C19orf44: variants seen among roughly 807,000 people sequenced by gnomAD.
C19orf44 encodes uncharacterized protein C19orf44.
Under a neutral mutation model 50.7 loss-of-function variants are expected in C19orf44, and 43 were observed. The observed-to-expected ratio is 0.85, with a 90% CI of 0.66 to 1.09. C19orf44 has a LOEUF of 1.09. C19orf44 is among the 50% of genes least tolerant of loss of function. The pLI is 0.00. For synonymous variants in C19orf44, 298 were observed against 334.7 expected, an observed-to-expected ratio of 0.89 and a Z score of 1.20; for missense variants, 722 against 836.2, an observed-to-expected ratio of 0.86 and a Z score of 1.68.
chr19:16,517,197 T>C (rs2085544230), intron 7 of C19orf44, 33 bp from the exon 8 acceptor site: 1 of 1,598,526 alleles, frequency 6.3e-7, no homozygotes, highest in Non-Finnish European at 8.6e-7. Context: ...GAGGTGACGA[T>C]GGTGATGGCG....
intron 1 of C19orf44, among the ~76,000 whole-genome samples, chr19:16,496,900 G>A (rs1056323980): frequency 1.3e-5 from 2 of 152,030 alleles, no homozygotes; most frequent in African/African-American, 4.8e-5. Context: ...GGCAGAGGCG[G>A]GAGGATCACT....
intron 7 of C19orf44, among the ~76,000 whole-genome samples, chr19:16,515,204 A>G (rs1265075575): frequency 6.6e-6 from 1 of 152,144 alleles, no homozygotes; most frequent in Non-Finnish European, 1.5e-5. Context: ...TCTACTAAAA[A>G]TACAAAAATT....
At chr19:16,496,772 TA>T in intron 1 of C19orf44, 1 of 152,930 alleles carries the variant, frequency 6.5e-6, no homozygotes, top group South Asian at 2.0e-4. Flanking sequence ...ACGACTCCGT[TA>T]TTTTTAGTAA....
At position 16,509,884 on chromosome 19, in the gene C19orf44, C is replaced by G; in HGVS notation, c.1535C>G (p.Thr512Arg). ...AGTGTGAAGACAGACCTTCCACAAA[C>G]AGCCGAGTCTAGGAAAAAGTCGGGC... ...SSSVKTDLPQ[T>R]AESRKKSGRH... The change falls in exon 5 of 9, where the codon ACA becomes AGA. Residue 512 changes from threonine to arginine, a missense_variant. By Grantham distance (71) the Thr-to-Arg change is moderately conservative (BLOSUM62 -1). Coordinates refer to ENST00000221671, the MANE Select transcript of C19orf44 (RefSeq NM_032207.4). 6.2e-7 allele frequency: 1 copy of G among 1,614,282 alleles called. No individual in the cohort carries two copies. The highest frequency in any genetic ancestry group is 8.5e-7 in the Non-Finnish European group (1 of 1,180,050).
rs1184527843 is a variant in C19orf44 at position 16,520,113 on chromosome 19, A to G, written c.*60A>G. 4 of 1,589,786 alleles carry G rather than the reference A, an allele frequency of 2.5e-6. No individual in the cohort carries two copies. In the African/African-American group the frequency reaches 5.4e-5, roughly 21 times the overall value. Reference sequence around the variant, plus strand: ...TCACAGCAAAGCACCGCAGCTTCCCAGAGTTACCAGCGCAGCACTTAAGAC... The same window carrying G: ...TCACAGCAAAGCACCGCAGCTTCCCGGAGTTACCAGCGCAGCACTTAAGAC... On this transcript the variant is annotated 3_prime_UTR_variant, in exon 9 of 9. Coordinates refer to ENST00000221671, the MANE Select transcript of C19orf44 (RefSeq NM_032207.4). This position sits in a 1 kb window ranked among gnomAD's most constrained non-coding sequence, Gnocchi z 4.0.
At chr19:16,514,096 TC>T (rs2093464943) in intron 6 of C19orf44, among the ~76,000 whole-genome samples, 1 of 151,946 alleles carries the variant, frequency 6.6e-6, no homozygotes, top group Non-Finnish European at 1.5e-5. Flanking sequence ...CAAGCGATTC[TC>T]CTGCCTCAGC....
At chr19:16,502,487 C>T (rs1485138481) in intron 2 of C19orf44, among the ~76,000 whole-genome samples, 1 of 151,836 alleles carries the variant, frequency 6.6e-6, no homozygotes, top group East Asian at 1.9e-4. Flanking sequence ...CTGCCCGCCT[C>T]GGCCTCCCAA....
chr19:16,515,271 G>T (rs2093468419), intron 7 of C19orf44, among the ~76,000 whole-genome samples: 1 of 152,184 alleles, frequency 6.6e-6, no homozygotes, highest in Non-Finnish European at 1.5e-5. Flanking sequence ...TGAGGCAGGA[G>T]AGTCGCTTGA....
chr19:16,516,548 C>G (rs935774088), intron 7 of C19orf44, among the ~76,000 whole-genome samples: 5 of 152,156 alleles, frequency 3.3e-5, no homozygotes, highest in African/African-American at 1.2e-4. Context: ...ATCCAAAGTC[C>G]ATACTATCCG....
intron 5 of C19orf44, among the ~76,000 whole-genome samples, chr19:16,511,915 C>A (rs374590001): frequency 6.7e-6 from 1 of 149,268 alleles, no homozygotes; most frequent in East Asian, 2.0e-4. Context: ...CTCGGGAGGC[C>A]GAGGCACAAG....
In C19orf44 at chr19:16,496,411, C is replaced by A; in HGVS notation, c.-56C>A. 1 of 480,490 alleles carries A rather than the reference C, an allele frequency of 2.1e-6. No homozygotes were observed. The highest frequency in any genetic ancestry group is 3.8e-6 in the Non-Finnish European group (1 of 263,146). 29.8% of individuals were successfully genotyped at this position (480,490 alleles called of 1,614,324 possible). A position where few individuals can be genotyped will look rare whatever the true frequency, so the allele number is the denominator to read the frequency against. ...CTGGCTCTGTTGCCCAGGGCAACCGCTCCTTCAGGCGTGAATGTGGCGGCT... is the reference window on the plus strand; with the variant it reads ...CTGGCTCTGTTGCCCAGGGCAACCGATCCTTCAGGCGTGAATGTGGCGGCT... On this transcript the variant is annotated 5_prime_UTR_variant, in exon 1 of 9. Coordinates refer to ENST00000221671, the MANE Select transcript of C19orf44 (RefSeq NM_032207.4).
rs1599743674 is a variant in C19orf44, at chr19:16,519,087, C to T, written c.*41-1007C>T. ...AGAACTGAGCTGTCACTGCAATCTTCCTCTGCCAGTCAGCCAGGAAGGTCC... is the reference window on the plus strand; with the variant it reads ...AGAACTGAGCTGTCACTGCAATCTTTCTCTGCCAGTCAGCCAGGAAGGTCC... On this transcript the variant is annotated intron_variant, in intron 8 of 8. Transcript: ENST00000221671. This position sits in a 1 kb window ranked among gnomAD's most constrained non-coding sequence, Gnocchi z 6.0. The T allele has an allele frequency of 2.9e-6, 4 of 1,376,468 alleles. No individual in the cohort carries two copies. The highest frequency in any genetic ancestry group is 4.9e-5 in the East Asian group (2 of 40,896). The allele number at this position is 1,376,468 out of a possible 1,614,324, so 85.3% of individuals were successfully genotyped here. A position where few individuals can be genotyped will look rare whatever the true frequency, so the allele number is the denominator to read the frequency against.
chr19:16,515,526 TC>T (rs1251834789), intron 7 of C19orf44, among the ~76,000 whole-genome samples: 26 of 152,142 alleles, frequency 1.7e-4, no homozygotes, highest in Non-Finnish European at 1.9e-4. Context: ...TATGCGTATT[TC>T]TTTTTTTTAA....
At chr19:16,514,731 A>G (rs974885871) in intron 7 of C19orf44, 68 bp downstream of exon 7, 3 of 1,440,354 alleles carry the variant, frequency 2.1e-6, no homozygotes, top group Non-Finnish European at 2.8e-6. Flanking sequence ...GGCCGGGCCG[A>G]AGGGATATGG....
intron 8 of C19orf44, chr19:16,518,447 C>G (rs947769134): frequency 6.6e-6 from 1 of 152,038 alleles, no homozygotes; most frequent in Non-Finnish European, 1.5e-5. Flanking sequence ...TGGCTACATT[C>G]CAGAAAAAAA....
chr19:16,502,539 G>A (rs1038877594), intron 2 of C19orf44, among the ~76,000 whole-genome samples: 2 of 152,036 alleles, frequency 1.3e-5, no homozygotes, highest in Non-Finnish European at 2.9e-5. Context: ...GCCCAGCCTT[G>A]TGGAATTATT....
chr19:16,501,273 A>C lies in C19orf44; in HGVS notation c.481A>C (p.Thr161Pro). 1 of 1,614,164 alleles carries C rather than the reference A, an allele frequency of 6.2e-7. No homozygotes were observed. Among genetic ancestry groups the C allele is most frequent in the Non-Finnish European group, 8.5e-7 (1 of 1,180,044 alleles). Residue 161 changes from threonine (T) to proline (P), a missense_variant, in exon 2 of 9, where the codon ACC (threonine) becomes CCC (proline). Physicochemically the swap from Thr to Pro is conservative, Grantham distance 38. Coordinates refer to ENST00000221671, the MANE Select transcript of C19orf44 (RefSeq NM_032207.4). ...SQNQARELPV[T>P]ENNAQNAKVS... is the part of the protein sequence containing the mutation. ...GAATCAAGCCCGTGAACTTCCTGTC[A>C]CCGAAAATAATGCACAGAACGCGAA...
At position 16,517,195 on chromosome 19, in the gene C19orf44, G is replaced by A. The variant is rs184580945; in HGVS notation, c.1903-35G>A. On this transcript the variant is annotated intron_variant, in intron 7 of 8. Coordinates refer to ENST00000221671, the MANE Select transcript of C19orf44 (RefSeq NM_032207.4). ...CTGTCTCAGAGTGTACTGAGGTGAC[G>A]ATGGTGATGGCGTGGTCTGTTCTCT... is the stretch of plus-strand genomic sequence containing the variant. 140 of 1,595,982 alleles carry A rather than the reference G, an allele frequency of 8.8e-5. No individual in the cohort carries two copies. In the East Asian group the frequency reaches 1.9e-3, roughly 21 times the overall value.
chr19:16,514,453 G>T (rs753362448), intron 6 of C19orf44, 44 bp from the exon 7 acceptor site: 6 of 1,509,170 alleles, frequency 4.0e-6, no homozygotes, highest in Admixed American at 1.9e-5. Context: ...TGCAGAATTT[G>T]TGGGGCCCCA....
Sources: allele counts gnomAD v4.1 joint callset (sites outside exome capture counted in the v4.1 genomes callset), GRCh38; gene constraint gnomAD v4.1.1; non-coding constraint Gnocchi (gnomAD v3.1); transcripts MANE v1.5; gene names NCBI Gene and HGNC (gene_info 2026-07-23, HGNC 2026-07-21).